OLFM1: variants seen among roughly 807,000 people sequenced by gnomAD.
OLFM1 encodes the protein noelin.
OLFM1 carries 9 observed loss-of-function variants against 49.7 expected under a neutral mutation model. That is an observed-to-expected ratio of 0.18 (90% confidence interval 0.11 to 0.32). The LOEUF is 0.32. Ranked by LOEUF, OLFM1 falls within the 10% of genes least tolerant of loss-of-function variation. The pLI is 1.00. For missense variants in OLFM1, 369 were observed against 661.8 expected (o/e 0.56, Z 4.85); for synonymous variants, 240 against 271.8 (o/e 0.88, Z 1.15).
At chr9:135,078,674 G>A (rs1830497232) in intron 1 of OLFM1, among the ~76,000 whole-genome samples, 1 of 152,242 alleles carries the variant, frequency 6.6e-6, no homozygotes, top group Non-Finnish European at 1.5e-5. Flanking sequence ...GGGTCCAGAG[G>A]CATTGATCTC....
intron 2 of OLFM1, among the ~76,000 whole-genome samples, chr9:135,092,542 A>AGGC (rs1455817650): frequency 2.0e-5 from 3 of 152,238 alleles, no homozygotes; most frequent in Non-Finnish European, 4.4e-5. Context: ...GCCTTTAATT[A>AGGC]TTCAGAAGCT....
In OLFM1 at chr9:135,120,214, A is replaced by C. The variant is rs537205172; in HGVS notation, c.*36A>C. ...CTGGAAGCCAAGGGCCCACGTCCTC[A>C]CCACAAAGGGACTCCTGTGAAACTG... is the stretch of plus-strand genomic sequence containing the variant. On this transcript the variant is annotated 3_prime_UTR_variant, in exon 6 of 6. Transcript: ENST00000371793. 45 of 1,549,734 alleles carry C rather than the reference A, an allele frequency of 2.9e-5. No homozygotes were observed. The East Asian group carries it at 9.7e-4, about 33-fold the overall frequency.
intron 5 of OLFM1, among the ~76,000 whole-genome samples, chr9:135,107,855 TCC>T (rs1244098779): frequency 1.3e-5 from 2 of 152,214 alleles, no homozygotes; most frequent in Non-Finnish European, 2.9e-5. Flanking sequence ...CCCAGCTCTC[TCC>T]CCTCTGATTT....
upstream of OLFM1, among the ~76,000 whole-genome samples, chr9:135,083,047 C>T (rs1309834321): frequency 6.6e-6 from 1 of 152,204 alleles, no homozygotes; most frequent in Admixed American, 6.5e-5. Context: ...TGTTTCTCAT[C>T]ATGATGTCAC....
At chr9:135,099,498 T>C (rs920651560) in intron 4 of OLFM1, among the ~76,000 whole-genome samples, 1 of 152,046 alleles carries the variant, frequency 6.6e-6, no homozygotes, top group Non-Finnish European at 1.5e-5. Context: ...AAACCTCTAA[T>C]GTTAGTCAGG....
In OLFM1 at chr9:135,099,934, G is replaced by T. The variant is rs938492087; in HGVS notation, c.676+1429G>T. Among the ~76,000 whole-genome samples, 4 of 152,188 alleles carry T rather than the reference G, an allele frequency of 2.6e-5. No individual in the cohort carries two copies. The East Asian group carries it at 7.7e-4, about 29-fold the overall frequency. ...TTAATGATGATAGGGCTGTATTAAC[G>T]ATCATGGGGCTATATAACTATTGCC... On this transcript the variant is annotated intron_variant, in intron 4 of 5. Transcript: ENST00000371793.
Position 135,120,330 on chromosome 9 carries a change from C to T in OLFM1, c.*152C>T, listed in dbSNP as rs760327889. On this transcript the variant is annotated 3_prime_UTR_variant, in exon 6 of 6. Coordinates refer to ENST00000371793, the MANE Select transcript of OLFM1 (RefSeq NM_001282611.2). Reference sequence around the variant, plus strand: ...TGACATCGAGGGATGGCATTACCTCCGTGTTTCTCCCTTTCGAGCCGGCGG... The same window carrying T: ...TGACATCGAGGGATGGCATTACCTCTGTGTTTCTCCCTTTCGAGCCGGCGG... The T allele has an allele frequency of 3.4e-5, 24 of 699,754 alleles. No homozygotes were observed. Among genetic ancestry groups the T allele is most frequent in the Non-Finnish European group, 3.5e-5 (15 of 431,194 alleles). The allele number at this position is 699,754 out of a possible 1,614,324, so 43.3% of individuals were successfully genotyped here. A position where few individuals can be genotyped will look rare whatever the true frequency, so the allele number is the denominator to read the frequency against.
chr9:135,106,474 A>G (rs1358333767), intron 4 of OLFM1: 3 of 445,886 alleles, frequency 6.7e-6, no homozygotes, highest in Non-Finnish European at 8.1e-6. Context: ...CAGGCTGAGG[A>G]GGCGTGAAGC....
chr9:135,086,620 A>T (rs1314466362), upstream of OLFM1: 1 of 456,104 alleles, frequency 2.2e-6, no homozygotes, highest in Non-Finnish European at 4.4e-6. Flanking sequence ...AAGGCCCCGG[A>T]GGAAGTGGCT....
chr9:135,109,146 C>G (rs1380874044), intron 5 of OLFM1, among the ~76,000 whole-genome samples: 1 of 152,210 alleles, frequency 6.6e-6, no homozygotes, highest in African/African-American at 2.4e-5. Flanking sequence ...TTACACCCCC[C>G]AGGGCTGGAC....
intron 5 of OLFM1, among the ~76,000 whole-genome samples, chr9:135,118,205 C>CGGGTCTTTGGAAGTGCTCACT (rs1831121752): frequency 6.6e-6 from 1 of 152,088 alleles, no homozygotes; most frequent in South Asian, 2.1e-4. Context: ...AAGTGCTCGC[C>CGGGTCTTTGGAAGTGCTCACT]GGGTCTTTGG....
At position 135,087,802 on chromosome 9, in the gene OLFM1, C is replaced by T; in HGVS notation, c.-188C>T. ...CCACCTGGCCACCTTCCCTGGCGCC[C>T]GGGGAAGGCGCGGCGATGGCCGGGG... On this transcript the variant is annotated 5_prime_UTR_variant, in exon 1 of 6. Transcript: ENST00000371793. 2 of 742,902 alleles carry T rather than the reference C, an allele frequency of 2.7e-6. No homozygotes were observed. Among genetic ancestry groups the T allele is most frequent in the Non-Finnish European group, 3.3e-6 (2 of 611,280 alleles). 46.0% of individuals were successfully genotyped at this position (742,902 alleles called of 1,614,324 possible).
At position 135,120,223 on chromosome 9, in the gene OLFM1, G is replaced by C. The variant is rs1361070765; in HGVS notation, c.*45G>C. 1 of 1,512,428 alleles carries C rather than the reference G, an allele frequency of 6.6e-7. No individual in the cohort carries two copies. Among genetic ancestry groups the C allele is most frequent in the Admixed American group, 2.1e-5 (1 of 48,752 alleles). 93.7% of individuals were successfully genotyped at this position (1,512,428 alleles called of 1,614,324 possible). Reference sequence around the variant, plus strand: ...AAGGGCCCACGTCCTCACCACAAAGGGACTCCTGTGAAACTGCTGCCAAAA... The same window carrying C: ...AAGGGCCCACGTCCTCACCACAAAGCGACTCCTGTGAAACTGCTGCCAAAA... On this transcript the variant is annotated 3_prime_UTR_variant, in exon 6 of 6. Coordinates refer to ENST00000371793, the MANE Select transcript of OLFM1 (RefSeq NM_001282611.2).
chr9:135,097,508 A>T (rs1004413937), intron 3 of OLFM1, among the ~76,000 whole-genome samples: 3 of 152,196 alleles, frequency 2.0e-5, no homozygotes, highest in African/African-American at 7.2e-5. Flanking sequence ...TGACACAGGC[A>T]TCTCTCCGAG....
At chr9:135,115,585 G>A (rs1831085861) in intron 5 of OLFM1, among the ~76,000 whole-genome samples, 1 of 152,246 alleles carries the variant, frequency 6.6e-6, no homozygotes, top group East Asian at 1.9e-4. Context: ...GTTGGTGTGT[G>A]GGGATGGGTA....
chr9:135,110,123 G>A (rs1831002076), intron 5 of OLFM1, among the ~76,000 whole-genome samples: 1 of 152,150 alleles, frequency 6.6e-6, no homozygotes, highest in South Asian at 2.1e-4. Flanking sequence ...CCTCAGTGTT[G>A]GAGGAGGGAA....
chr9:135,077,363 C>T, intron 1 of OLFM1: 1 of 1,152,412 alleles, frequency 8.7e-7, no homozygotes, highest in Admixed American at 3.3e-5. Flanking sequence ...GCCTCCATGC[C>T]CAGGCCAAAA....
chr9:135,097,618 G>A (rs1485165994), intron 3 of OLFM1, among the ~76,000 whole-genome samples: 4 of 152,306 alleles, frequency 2.6e-5, no homozygotes, highest in South Asian at 2.1e-4. Context: ...AAATTGTGAC[G>A]AGGGAATCTC....
Position 135,080,671 on chromosome 9 carries a change from T to A in OLFM1, c.96+4869T>A, listed in dbSNP as rs956052724. On this transcript the variant is annotated intron_variant, in intron 1 of 5. Coordinates refer to the OLFM1 transcript ENST00000252854. This position sits in a 1 kb window ranked among gnomAD's most constrained non-coding sequence, Gnocchi z 4.5. Reference sequence around the variant, plus strand: ...AATTTCCTGCCTTGGGTTGTATTTATTACTAAAGTTATCAGGCCCTGTAAT... The same window carrying A: ...AATTTCCTGCCTTGGGTTGTATTTAATACTAAAGTTATCAGGCCCTGTAAT... Among the ~76,000 whole-genome samples, 3 of 152,354 alleles carry A rather than the reference T, an allele frequency of 2.0e-5. No homozygotes were observed. Among genetic ancestry groups the A allele is most frequent in the Admixed American group, 6.5e-5 (1 of 15,302 alleles).
Sources: gnomAD v4.1 joint callset for allele counts (sites outside exome capture counted in the v4.1 genomes callset) on GRCh38, gnomAD v4.1.1 for gene constraint, Gnocchi (gnomAD v3.1) non-coding constraint, MANE v1.5 for transcripts, NCBI Gene and HGNC (gene_info 2026-07-23, HGNC 2026-07-21) for gene names.